Variants in CNTNAP2 observed in about 807,000 individuals in gnomAD.
CNTNAP2 encodes contactin associated protein 2.
In CNTNAP2, 98 loss-of-function variants were observed where a neutral mutation model predicts 155.2. That is an observed-to-expected ratio of 0.63 (90% CI 0.54 to 0.75). The LOEUF (loss-of-function observed/expected upper bound fraction) is 0.75. CNTNAP2 is among the 30% of genes least tolerant of loss of function. CNTNAP2 has a pLI of 0.00. For missense variants in CNTNAP2, 1,727 were observed against 1,688.1 expected (o/e 1.02, Z -0.40); for synonymous variants, 651 against 631.2 (o/e 1.03, Z -0.47).
chr7:147,574,795 G>T (rs908884869), intron 12 of CNTNAP2, among the ~76,000 whole-genome samples: 3 of 152,044 alleles, frequency 2.0e-5, no homozygotes, highest in African/African-American at 7.2e-5. Context: ...TCTTCTCAAT[G>T]CAGGGATTCT....
At chr7:148,024,913 C>T (rs1802350421) in intron 15 of CNTNAP2, among the ~76,000 whole-genome samples, 2 of 152,164 alleles carry the variant, frequency 1.3e-5, no homozygotes, top group Admixed American at 1.3e-4. Flanking sequence ...ATGAAATTGC[C>T]TTTGCAAAAA....
At chr7:146,969,905 G>A (rs576744719) in intron 3 of CNTNAP2, among the ~76,000 whole-genome samples, 11 of 152,094 alleles carry the variant, frequency 7.2e-5, no homozygotes, top group Middle Eastern at 3.4e-3. Context: ...AAATAATGCC[G>A]CATATCTACA....
chr7:146,952,215 A>T (rs2129228176), intron 3 of CNTNAP2, among the ~76,000 whole-genome samples: 1 of 152,296 alleles, frequency 6.6e-6, no homozygotes, highest in Middle Eastern at 3.4e-3. Flanking sequence ...AAGGCCTTCG[A>T]TAAAATTTAA....
intron 1 of CNTNAP2, among the ~76,000 whole-genome samples, chr7:146,316,880 C>T (rs550559165): frequency 2.6e-5 from 4 of 152,054 alleles, no homozygotes; most frequent in African/African-American, 4.8e-5. Flanking sequence ...CACCCACCTA[C>T]GGGAGGTCGT....
intron 3 of CNTNAP2, among the ~76,000 whole-genome samples, chr7:147,000,867 A>G (rs1376636417): frequency 6.6e-6 from 1 of 152,112 alleles, no homozygotes. Flanking sequence ...GTTGGCCAGT[A>G]GTTATGTGAA....
At chr7:146,986,032 A>T (rs988868608) in intron 3 of CNTNAP2, among the ~76,000 whole-genome samples, 1 of 152,008 alleles carries the variant, frequency 6.6e-6, no homozygotes, top group African/African-American at 2.4e-5. Flanking sequence ...GGTTATTGGG[A>T]AACAGGTGGT....
rs1177204813 is a variant in CNTNAP2, at chr7:147,729,025, ATATATT to A, written c.2098+89725_2098+89730del. Among the ~76,000 whole-genome samples, 9 of 148,708 alleles carry A rather than the reference ATATATT, an allele frequency of 6.1e-5. No homozygotes were observed. In the East Asian group the frequency reaches 1.6e-3, roughly 26 times the overall value. On this transcript the variant is annotated intron_variant, in intron 13 of 23. Coordinates refer to ENST00000361727, the MANE Select transcript of CNTNAP2 (RefSeq NM_014141.6). The stretch of plus-strand genomic sequence containing the variant: ...TGTATAATGTATATAATATATAAAT[ATATATT>A]TATATATTTTTTGAGACAGGGTCTT...
chr7:146,336,651 T>C (rs1002098713), intron 1 of CNTNAP2, among the ~76,000 whole-genome samples: 2 of 152,156 alleles, frequency 1.3e-5, no homozygotes, highest in Non-Finnish European at 2.9e-5. Context: ...ACAGCATTTC[T>C]ATTTTTAACG....
chr7:146,916,659 T>C (rs562627449), intron 3 of CNTNAP2, among the ~76,000 whole-genome samples: 53 of 152,274 alleles, frequency 3.5e-4, no homozygotes, highest in Admixed American at 3.2e-3. Context: ...TGTATTTCTG[T>C]GGTAGCAGTT....
At chr7:147,489,750 G>A (rs959798391) in intron 11 of CNTNAP2, among the ~76,000 whole-genome samples, 1 of 152,032 alleles carries the variant, frequency 6.6e-6, no homozygotes, top group Non-Finnish European at 1.5e-5. Flanking sequence ...CAAGTAGCTG[G>A]GACTACAGGC....
At chr7:148,016,089 T>C (rs191851316) in intron 15 of CNTNAP2, among the ~76,000 whole-genome samples, 1 of 152,306 alleles carries the variant, frequency 6.6e-6, no homozygotes, top group East Asian at 1.9e-4. Flanking sequence ...TCTATTTCCT[T>C]TGGGCTCCAA....
chr7:146,199,350 A>G lies in CNTNAP2; in HGVS notation c.97+82377A>G, dbSNP rs900224980. On this transcript the variant is annotated intron_variant, in intron 1 of 23. Transcript: ENST00000361727. ...AGATGCCAGGGACTAAGAACTTGAG[A>G]CAGTTCAACAGGCTGAGTCATAGGA... Among the ~76,000 whole-genome samples the G allele has an allele frequency of 1.4e-4, 21 of 152,224 alleles. 1 individual carries two copies. Among genetic ancestry groups the G allele is most frequent in the African/African-American group, 5.1e-4 (21 of 41,468 alleles).
At chr7:147,724,911 C>T (rs748657256) in intron 13 of CNTNAP2, among the ~76,000 whole-genome samples, 9 of 149,728 alleles carry the variant, frequency 6.0e-5, no homozygotes, top group African/African-American at 2.3e-4. Flanking sequence ...GAATGAATGA[C>T]TAAGTGCTTT....
At chr7:147,893,996 G>A (rs1250608491) in intron 13 of CNTNAP2, among the ~76,000 whole-genome samples, 4 of 152,104 alleles carry the variant, frequency 2.6e-5, no homozygotes, top group Non-Finnish European at 4.4e-5. Context: ...AATTCTGGCC[G>A]GCTTGATCTT....
At chr7:147,727,361 CT>C (rs1796662851) in intron 13 of CNTNAP2, among the ~76,000 whole-genome samples, 1 of 151,982 alleles carries the variant, frequency 6.6e-6, no homozygotes, top group African/African-American at 2.4e-5. Context: ...TTCTAACCTG[CT>C]TTCTCTACGT....
At chr7:146,722,918 G>T (rs1048384416) in intron 1 of CNTNAP2, among the ~76,000 whole-genome samples, 3 of 152,084 alleles carry the variant, frequency 2.0e-5, no homozygotes. Flanking sequence ...GGGAGGCTGA[G>T]GAAGGAGAAT....
At chr7:147,520,719 C>A (rs1394916945) in intron 11 of CNTNAP2, among the ~76,000 whole-genome samples, 2 of 152,160 alleles carry the variant, frequency 1.3e-5, no homozygotes, top group African/African-American at 2.4e-5. Flanking sequence ...AAAGTTAGAA[C>A]CTTTCTATAA....
At chr7:147,269,889 A>G (rs1343108611) in intron 8 of CNTNAP2, among the ~76,000 whole-genome samples, 1 of 152,034 alleles carries the variant, frequency 6.6e-6, no homozygotes, top group Non-Finnish European at 1.5e-5. Context: ...CACTGTCTCT[A>G]AAAAATATTT....
chr7:147,641,180 G>C lies in CNTNAP2; in HGVS notation c.2098+1874G>C, dbSNP rs113894077. ...GAAACATTTTGGAGCTGCTTTAAAAGACCCCTTTTCCCCTCTATGTGTCTA... is the reference window on the plus strand; with the variant it reads ...GAAACATTTTGGAGCTGCTTTAAAACACCCCTTTTCCCCTCTATGTGTCTA... On this transcript the variant is annotated intron_variant, in intron 13 of 23. Transcript: ENST00000361727. Among the ~76,000 whole-genome samples, 1,283 of 139,978 alleles carry C rather than the reference G, an allele frequency of 9.2e-3. 15 individuals carry two copies. The highest frequency in any genetic ancestry group is 0.013 in the Admixed American group (142 of 11,232). The allele number at this position is 139,978 out of a possible 152,430, so 91.8% of individuals were successfully genotyped here.
Sources: allele counts gnomAD v4.1 joint callset (sites outside exome capture counted in the v4.1 genomes callset), GRCh38; gene constraint gnomAD v4.1.1; transcripts MANE v1.5; gene names NCBI Gene and HGNC (gene_info 2026-07-23, HGNC 2026-07-21).